DNER: variants seen among roughly 807,000 people sequenced by gnomAD.
DNER encodes delta and Notch-like epidermal growth factor-related receptor.
Under a neutral mutation model 78.2 loss-of-function variants are expected in DNER, and 33 were observed. The ratio of observed to expected loss-of-function variants is 0.42; its 90% CI spans 0.32 to 0.56. The LOEUF is 0.56. Among genes scored for constraint, DNER ranks in the 20% least tolerant of loss-of-function variants. DNER has a pLI of 0.11. For missense variants in DNER, 918 were observed against 975.3 expected, an observed-to-expected ratio of 0.94 and a Z score of 0.78; for synonymous variants, 417 against 384.8, an observed-to-expected ratio of 1.08 and a Z score of -0.98.
At chr2:229,567,284 C>T (rs1697127272) in intron 4 of DNER, among the ~76,000 whole-genome samples, 3 of 152,204 alleles carry the variant, frequency 2.0e-5, no homozygotes, top group Admixed American at 2.0e-4. Flanking sequence ...CCTACTAAAA[C>T]CTATGATTCA....
chr2:229,574,403 C>G (rs572423114), intron 4 of DNER, among the ~76,000 whole-genome samples: 1 of 152,208 alleles, frequency 6.6e-6, no homozygotes, highest in Admixed American at 6.5e-5. Flanking sequence ...CAATGGAACC[C>G]TATACCACCA....
chr2:229,535,769 T>C (rs1035678798), intron 5 of DNER, among the ~76,000 whole-genome samples: 6 of 151,918 alleles, frequency 3.9e-5, no homozygotes, highest in South Asian at 2.1e-4. Context: ...TCAGCCTCCC[T>C]AGTAGCTGGG....
At chr2:229,389,341 AAG>A (rs1692966618) in intron 10 of DNER, among the ~76,000 whole-genome samples, 2 of 152,050 alleles carry the variant, frequency 1.3e-5, no homozygotes, top group East Asian at 1.9e-4. Flanking sequence ...AGCCATCATT[AAG>A]AGTCATTACA....
At chr2:229,626,018 C>T (rs1574933981) in intron 1 of DNER, among the ~76,000 whole-genome samples, 2 of 152,146 alleles carry the variant, frequency 1.3e-5, no homozygotes, top group South Asian at 4.1e-4. Flanking sequence ...CTCCCGGGTT[C>T]ACGCCATTCT....
At chr2:229,464,944 CAAG>C (rs1694774387) in intron 7 of DNER, among the ~76,000 whole-genome samples, 1 of 151,996 alleles carries the variant, frequency 6.6e-6, no homozygotes, top group African/African-American at 2.4e-5. Context: ...TGAACAACAA[CAAG>C]AAGTCAGAAT....
intron 5 of DNER, among the ~76,000 whole-genome samples, chr2:229,537,259 C>T (rs1343167461): frequency 6.6e-6 from 1 of 152,150 alleles, no homozygotes; most frequent in Admixed American, 6.5e-5. Flanking sequence ...TGTATTTCTA[C>T]CTGCTGCCTG....
intron 4 of DNER, among the ~76,000 whole-genome samples, chr2:229,573,807 C>G (rs574877387): frequency 1.3e-5 from 2 of 152,224 alleles, no homozygotes; most frequent in East Asian, 3.9e-4. Context: ...AAGCAGCAAC[C>G]CCCTGTTTAT....
At chr2:229,513,925 T>TC (rs1447315836) in intron 5 of DNER, among the ~76,000 whole-genome samples, 3 of 151,668 alleles carry the variant, frequency 2.0e-5, no homozygotes, top group Non-Finnish European at 4.4e-5. Context: ...GCTGCTAATC[T>TC]TAGAAAGAGA....
At chr2:229,473,036 G>A (rs1049355251) in intron 7 of DNER, among the ~76,000 whole-genome samples, 6 of 152,136 alleles carry the variant, frequency 3.9e-5, no homozygotes, top group South Asian at 2.1e-4. Flanking sequence ...CAATCTCTAC[G>A]GGCCTACCCA....
intron 1 of DNER, among the ~76,000 whole-genome samples, chr2:229,613,616 C>T (rs1385458239): frequency 6.6e-6 from 1 of 151,094 alleles, no homozygotes; most frequent in Non-Finnish European, 1.5e-5. Flanking sequence ...ATTGTTTTTA[C>T]TATACTCTAC....
intron 7 of DNER, among the ~76,000 whole-genome samples, chr2:229,466,187 T>C (rs924602812): frequency 2.0e-5 from 3 of 152,154 alleles, no homozygotes; most frequent in Non-Finnish European, 4.4e-5. Context: ...TTGGGCCATG[T>C]GCAATCCACT....
Position 229,585,360 on chromosome 2 carries a change from A to G in DNER, c.847+498T>C, listed in dbSNP as rs904468384. On this transcript the variant is annotated intron_variant, in intron 4 of 12. Transcript: ENST00000341772. Reference sequence around the variant, plus strand: ...CCCATGCCTTTCCACTTTGAGCCACACTAGAAATATTATGTTAGGGCCAGG... The same window carrying G: ...CCCATGCCTTTCCACTTTGAGCCACGCTAGAAATATTATGTTAGGGCCAGG... Among the ~76,000 whole-genome samples, 22 of 152,252 alleles carry G rather than the reference A, an allele frequency of 1.4e-4. 1 individual carries two copies. The South Asian group carries it at 3.7e-3, about 26-fold the overall frequency.
chr2:229,485,721 G>T (rs569633535), intron 6 of DNER, among the ~76,000 whole-genome samples: 1 of 152,062 alleles, frequency 6.6e-6, no homozygotes, highest in Admixed American at 6.6e-5. Flanking sequence ...GAAGAAGGGC[G>T]ATCAATCAGT....
chr2:229,583,173 G>C (rs1456301939), intron 4 of DNER, among the ~76,000 whole-genome samples: 1 of 152,134 alleles, frequency 6.6e-6, no homozygotes, highest in Admixed American at 6.5e-5. Context: ...ACCATCAAAA[G>C]TAGTATAAAA....
At chr2:229,561,688 C>T (rs958828007) in intron 4 of DNER, among the ~76,000 whole-genome samples, 4 of 152,176 alleles carry the variant, frequency 2.6e-5, no homozygotes, top group African/African-American at 9.7e-5. Context: ...ATTCACCCTA[C>T]CACACTCCTC....
intron 5 of DNER, among the ~76,000 whole-genome samples, chr2:229,524,505 T>C (rs567919093): frequency 6.6e-6 from 1 of 152,316 alleles, no homozygotes; most frequent in Non-Finnish European, 1.5e-5. Flanking sequence ...TGACCCAGGA[T>C]GGTTGACTGG....
At chr2:229,668,519 T>TAA in intron 1 of DNER, among the ~76,000 whole-genome samples, 2 of 50,196 alleles carry the variant, frequency 4.0e-5, no homozygotes, top group African/African-American at 1.4e-4. Context: ...GGTAAGTATG[T>TAA]GTGTGTGTGT....
At position 229,366,983 on chromosome 2, in the gene DNER, G is replaced by A. The variant is rs546911349; in HGVS notation, c.1992C>T (p.Ile664=). The change falls in exon 12 of 13, where the codon ATC becomes ATT. Residue 664 remains isoleucine (I), a synonymous_variant. Transcript: ENST00000341772. ...AAGAACCCTGGTATTCAATGCGGCT[G>A]ATGCGGCAAATCCCCACGATCAGGA... ...LIILIVGICR[I]SRIEYQGSSR... is the part of the protein sequence containing the mutation. The A allele has an allele frequency of 6.2e-7, 1 of 1,614,160 alleles. No individual in the cohort carries two copies. The highest frequency in any genetic ancestry group is 1.7e-5 in the Admixed American group (1 of 60,026).
intron 1 of DNER, among the ~76,000 whole-genome samples, chr2:229,666,554 C>T (rs887627484): frequency 2.6e-5 from 4 of 152,144 alleles, no homozygotes; most frequent in African/African-American, 9.7e-5. Flanking sequence ...TTTTATCTGA[C>T]TTTTATCACA....
Sources: gnomAD v4.1 joint callset for allele counts (sites outside exome capture counted in the v4.1 genomes callset) on GRCh38, gnomAD v4.1.1 for gene constraint, MANE v1.5 for transcripts, NCBI Gene and HGNC (gene_info 2026-07-23, HGNC 2026-07-21) for gene names.